Variants in RPS6KC1 observed in about 807,000 individuals in gnomAD.
The protein encoded by RPS6KC1 is inactive ribosomal protein S6 kinase delta-1.
RPS6KC1 carries 54 observed loss-of-function variants against 103.8 expected under a neutral mutation model. That is an observed-to-expected ratio of 0.52 (90% CI 0.42 to 0.65). The LOEUF (loss-of-function observed/expected upper bound fraction) is 0.65. Among genes scored for constraint, RPS6KC1 ranks in the 30% least tolerant of loss-of-function variants. RPS6KC1 has a pLI of 0.00. For missense variants in RPS6KC1, 1,151 were observed against 1,253.8 expected, an observed-to-expected ratio of 0.92 and a Z score of 1.24; for synonymous variants, 439 against 438.7, an observed-to-expected ratio of 1.00 and a Z score of -0.01.
At chr1:213,825,066 G>A in the RPS6KC1 span, among the ~76,000 whole-genome samples, 1 of 152,168 alleles carries the variant, frequency 6.6e-6, no homozygotes, top group South Asian at 2.1e-4. Context: ...CCAAGTAAGA[G>A]AGCAAGCAAA....
intron 6 of RPS6KC1, among the ~76,000 whole-genome samples, chr1:213,144,190 T>C (rs766605033): frequency 2.0e-5 from 3 of 152,150 alleles, no homozygotes; most frequent in Non-Finnish European, 2.9e-5. Context: ...CCCATCATTA[T>C]TCTGCCTCCT....
Position 213,129,691 on chromosome 1 carries a change from C to T in RPS6KC1, c.637C>T (p.Gln213Ter). The T allele has an allele frequency of 6.2e-7, 1 of 1,614,012 alleles. No homozygotes were observed. The highest frequency in any genetic ancestry group is 8.5e-7 in the Non-Finnish European group (1 of 1,179,962). ...AGGGGCTGTTGCTTCTGACAGTGAA[C>T]AGAGCAAAACAGAAGAAGAACGGGA... is the stretch of plus-strand genomic sequence containing the variant. ...ALGAVASDSE[Q>*]SKTEEERESR... The change falls in exon 6 of 15, where the codon CAG becomes TAG. Residue 213 changes from glutamine to a stop codon, truncating the protein, a stop_gained. Coordinates refer to ENST00000366960, the MANE Select transcript of RPS6KC1 (RefSeq NM_012424.6). LOFTEE classifies it high-confidence loss of function.
the RPS6KC1 span, among the ~76,000 whole-genome samples, chr1:213,366,045 G>T: frequency 1.4e-4 from 22 of 152,316 alleles, no homozygotes; most frequent in African/African-American, 4.6e-4. Flanking sequence ...AGCAATACCT[G>T]GAGAAGGCTG....
chr1:213,512,601 G>A, the RPS6KC1 span, among the ~76,000 whole-genome samples: 1 of 152,188 alleles, frequency 6.6e-6, no homozygotes, highest in Non-Finnish European at 1.5e-5. Context: ...GTGGACTTCA[G>A]TGCTGTGATT....
At chr1:213,684,910 G>A in the RPS6KC1 span, among the ~76,000 whole-genome samples, 1 of 152,220 alleles carries the variant, frequency 6.6e-6, no homozygotes, top group African/African-American at 2.4e-5. Flanking sequence ...TCCCGAAGAT[G>A]TTGCTCAATT....
chr1:213,524,542 T>A, the RPS6KC1 span, among the ~76,000 whole-genome samples: 1 of 152,168 alleles, frequency 6.6e-6, no homozygotes, highest in African/African-American at 2.4e-5. Context: ...TGGAACCCCT[T>A]CTTCTGTCAT....
At chr1:213,161,942 G>A (rs2090513608) in intron 6 of RPS6KC1, among the ~76,000 whole-genome samples, 1 of 152,126 alleles carries the variant, frequency 6.6e-6, no homozygotes, top group Admixed American at 6.5e-5. Context: ...GTGTCTCATG[G>A]CCAGTGAAAG....
intron 8 of RPS6KC1, among the ~76,000 whole-genome samples, chr1:213,184,673 A>T (rs559913885): frequency 5.4e-4 from 82 of 152,278 alleles, no homozygotes; most frequent in African/African-American, 1.9e-3. Flanking sequence ...CATAGCCCAC[A>T]GATTTTGGTA....
chr1:213,602,512 C>T, the RPS6KC1 span, among the ~76,000 whole-genome samples: 4 of 152,128 alleles, frequency 2.6e-5, no homozygotes, highest in South Asian at 2.1e-4. Context: ...GGATTACAGG[C>T]GTGAGCCATT....
chr1:213,588,804 G>A, the RPS6KC1 span, among the ~76,000 whole-genome samples: 3,301 of 152,248 alleles, frequency 0.022, 69 homozygotes, highest in Non-Finnish European at 0.027. Flanking sequence ...AGGTGCATTA[G>A]CCTTGGCTTG....
chr1:213,348,529 A>G, the RPS6KC1 span, among the ~76,000 whole-genome samples: 1 of 152,182 alleles, frequency 6.6e-6, no homozygotes, highest in Non-Finnish European at 1.5e-5. Flanking sequence ...CACCAACACC[A>G]AGGAGGGTGG....
At position 213,232,060 on chromosome 1, in the gene RPS6KC1, C is replaced by T. The variant is rs986501820; in HGVS notation, c.1093-63C>T. 8.8e-6 allele frequency: 14 copies of T among 1,592,878 alleles called. No individual in the cohort carries two copies. The South Asian group carries it at 1.6e-4, about 18-fold the overall frequency. On this transcript the variant is annotated intron_variant, in intron 9 of 14. Coordinates refer to ENST00000366960, the MANE Select transcript of RPS6KC1 (RefSeq NM_012424.6). ...TTTGGTTGATAAACACAGAGCACAG[C>T]AGGCTCCAAAGGCAACTGAGGATGC...
At chr1:213,059,013 T>G (rs1374779965) in intron 1 of RPS6KC1, among the ~76,000 whole-genome samples, 2 of 152,266 alleles carry the variant, frequency 1.3e-5, no homozygotes, top group African/African-American at 4.8e-5. Context: ...TTTTTGTAGC[T>G]ATTGTCAATA....
chr1:213,085,627 C>T (rs567240183), intron 3 of RPS6KC1, among the ~76,000 whole-genome samples: 40 of 152,248 alleles, frequency 2.6e-4, no homozygotes, highest in African/African-American at 9.4e-4. Context: ...CTGTACCTCT[C>T]CACCTTTGCT....
At chr1:213,626,027 G>A in the RPS6KC1 span, among the ~76,000 whole-genome samples, 7 of 152,096 alleles carry the variant, frequency 4.6e-5, no homozygotes, top group Non-Finnish European at 1.0e-4. Flanking sequence ...AATGGTTGAA[G>A]TAGTTCACAG....
the RPS6KC1 span, among the ~76,000 whole-genome samples, chr1:213,846,128 TAAA>T: frequency 9.7e-5 from 8 of 82,826 alleles, no homozygotes; most frequent in African/African-American, 1.8e-4. Context: ...CCGTCTCAAC[TAAA>T]AAAAAAAAAA....
At chr1:213,055,588 T>G (rs1280961792) in intron 1 of RPS6KC1, among the ~76,000 whole-genome samples, 1 of 152,222 alleles carries the variant, frequency 6.6e-6, no homozygotes, top group Non-Finnish European at 1.5e-5. Flanking sequence ...CACATGGCTT[T>G]GTTTATGTAG....
At chr1:213,744,313 TA>T in the RPS6KC1 span, among the ~76,000 whole-genome samples, 3 of 151,474 alleles carry the variant, frequency 2.0e-5, no homozygotes, top group South Asian at 4.2e-4. Context: ...ATAAAAAAAA[TA>T]AAAAAAACCT....
At chr1:213,229,164 TA>T (rs2094028896) in intron 8 of RPS6KC1, among the ~76,000 whole-genome samples, 1 of 152,186 alleles carries the variant, frequency 6.6e-6, no homozygotes, top group Non-Finnish European at 1.5e-5. Flanking sequence ...AATGGAAATT[TA>T]AATAGTGTAG....
Sources: gnomAD v4.1 joint callset for allele counts (sites outside exome capture counted in the v4.1 genomes callset) on GRCh38, gnomAD v4.1.1 for gene constraint, MANE v1.5 for transcripts, NCBI Gene and HGNC (gene_info 2026-07-23, HGNC 2026-07-21) for gene names.